Variants in OSMR observed in about 807,000 individuals in gnomAD.
OSMR encodes oncostatin M receptor.
OSMR carries 81 observed loss-of-function variants against 99.9 expected under a neutral mutation model. That is an observed-to-expected ratio of 0.81 (90% CI 0.68 to 0.97). OSMR has a LOEUF of 0.97. Among genes scored for constraint, OSMR ranks in the 50% least tolerant of loss-of-function variants. The probability of loss-of-function intolerance (pLI) is 0.00; values close to 1 mark genes in which losing one functional copy is unlikely to be tolerated. For missense variants in OSMR, 1,099 were observed against 1,153.4 expected (o/e 0.95, Z 0.68); for synonymous variants, 406 against 410.4 (o/e 0.99, Z 0.13).
At chr5:38,916,559 C>T (rs1204126794) in intron 9 of OSMR, among the ~76,000 whole-genome samples, 1 of 152,018 alleles carries the variant, frequency 6.6e-6, no homozygotes, top group African/African-American at 2.4e-5. Context: ...TCTAGTAACC[C>T]CTCTATAAAT....
At chr5:38,870,056 C>G (rs1742262150) in intron 2 of OSMR, among the ~76,000 whole-genome samples, 1 of 151,916 alleles carries the variant, frequency 6.6e-6, no homozygotes, top group Admixed American at 6.6e-5. Flanking sequence ...AAACATTGTT[C>G]TGATAATTGC....
chr5:38,919,278 C>T (rs1746110164), intron 11 of OSMR: 3 of 1,503,236 alleles, frequency 2.0e-6, no homozygotes, highest in South Asian at 1.2e-5. Flanking sequence ...TGGCTCAGGA[C>T]ATTTCTGTCC....
intron 3 of OSMR, among the ~76,000 whole-genome samples, chr5:38,879,499 G>T (rs572713454): frequency 1.3e-5 from 2 of 152,284 alleles, no homozygotes; most frequent in African/African-American, 4.8e-5. Flanking sequence ...AGAAGTGGCT[G>T]CATTTAAGGG....
intron 9 of OSMR, among the ~76,000 whole-genome samples, chr5:38,910,779 C>T (rs557390969): frequency 3.3e-5 from 5 of 152,176 alleles, no homozygotes; most frequent in Admixed American, 2.0e-4. Context: ...GGGAGGCCAA[C>T]GTGGGCAGAT....
chr5:38,876,861 A>G (rs1382629233), intron 3 of OSMR, among the ~76,000 whole-genome samples: 1 of 152,210 alleles, frequency 6.6e-6, no homozygotes, highest in Non-Finnish European at 1.5e-5. Flanking sequence ...ACAAGGAGCC[A>G]TGTTGGAGAG....
At chr5:38,898,779 T>G (rs1425948958) in intron 7 of OSMR, among the ~76,000 whole-genome samples, 1 of 152,032 alleles carries the variant, frequency 6.6e-6, no homozygotes, top group East Asian at 1.9e-4. Flanking sequence ...TTATACATAT[T>G]TTTTTAAAAA....
chr5:38,885,790 GTAAAT>G, intron 6 of OSMR: 3 of 803,866 alleles, frequency 3.7e-6, no homozygotes, highest in Non-Finnish European at 4.5e-6. Context: ...AATATTCCAA[GTAAAT>G]TAAGGGATGT....
intron 6 of OSMR, 184 bp from the exon 7 acceptor site, chr5:38,885,855 G>A (rs1391303729): frequency 3.3e-5 from 32 of 983,554 alleles, no homozygotes; most frequent in Non-Finnish European, 3.6e-5. Context: ...ATTTCAGCAC[G>A]TATGTCAAAT....
At chr5:38,900,352 C>G (rs1052379303) in intron 7 of OSMR, among the ~76,000 whole-genome samples, 1 of 152,204 alleles carries the variant, frequency 6.6e-6, no homozygotes, top group African/African-American at 2.4e-5. Flanking sequence ...TTCAGTGACT[C>G]TTTCAGTGAT....
intron 1 of OSMR, among the ~76,000 whole-genome samples, chr5:38,847,898 G>A (rs537690108): frequency 6.6e-6 from 1 of 152,274 alleles, no homozygotes; most frequent in East Asian, 1.9e-4. Context: ...GCAGGGACCC[G>A]AGCCGCATTG....
At chr5:38,853,620 A>G (rs1171055196) in intron 1 of OSMR, among the ~76,000 whole-genome samples, 1 of 152,182 alleles carries the variant, frequency 6.6e-6, no homozygotes, top group Admixed American at 6.5e-5. Flanking sequence ...GCATATGTAC[A>G]TATTTTTTGG....
At chr5:38,857,242 G>A (rs899631685) in intron 1 of OSMR, among the ~76,000 whole-genome samples, 1 of 152,164 alleles carries the variant, frequency 6.6e-6, no homozygotes, top group African/African-American at 2.4e-5. Flanking sequence ...ATCATTCTCT[G>A]AATCATCTGC....
intron 7 of OSMR, 181 bp downstream of exon 7, chr5:38,886,371 G>A: frequency 7.1e-7 from 1 of 1,413,708 alleles, no homozygotes; most frequent in Non-Finnish European, 9.2e-7. Flanking sequence ...CCTATTATTT[G>A]TTTCTTTTAA....
At chr5:38,901,916 C>A (rs1455262692) in intron 7 of OSMR, among the ~76,000 whole-genome samples, 4 of 152,162 alleles carry the variant, frequency 2.6e-5, no homozygotes, top group African/African-American at 9.7e-5. Flanking sequence ...GGCCTACCAG[C>A]TGCTGGGCCT....
intron 1 of OSMR, among the ~76,000 whole-genome samples, chr5:38,852,887 C>A (rs531196284): frequency 6.6e-6 from 1 of 151,656 alleles, no homozygotes; most frequent in African/African-American, 2.4e-5. Context: ...CCCACCACCA[C>A]GCCCGGCTAA....
At chr5:38,907,307 G>T (rs1260253551) in intron 9 of OSMR, among the ~76,000 whole-genome samples, 1 of 152,172 alleles carries the variant, frequency 6.6e-6, no homozygotes, top group Non-Finnish European at 1.5e-5. Flanking sequence ...TGGAATCCAG[G>T]CAGCAGGAAA....
At chr5:38,921,867 A>G (rs1746252614) in intron 12 of OSMR, 73 bp downstream of exon 12, 2 of 1,276,890 alleles carry the variant, frequency 1.6e-6, no homozygotes, top group Admixed American at 1.7e-5. Flanking sequence ...TTTCTGGACT[A>G]CTTCACAGAC....
rs754064150 is a variant in OSMR, at chr5:38,883,810, A to AT, written c.419-8dup. ...TTTTGAGTGCGATTCTAACTTGGCT[A>AT]TTTTTTTTTCTTGCAGTACAAGATT... On this transcript the variant is annotated splice_polypyrimidine_tract_variant and intron_variant, in intron 4 of 17. Coordinates refer to ENST00000274276, the MANE Select transcript of OSMR (RefSeq NM_003999.3). 7.9e-5 allele frequency: 125 copies of AT among 1,589,552 alleles called. No individual in the cohort carries two copies. Among genetic ancestry groups the AT allele is most frequent in the Middle Eastern group, 2.2e-4 (1 of 4,508 alleles).
intron 9 of OSMR, among the ~76,000 whole-genome samples, chr5:38,914,841 G>A (rs192098916): frequency 2.6e-5 from 4 of 152,260 alleles, no homozygotes; most frequent in African/African-American, 4.8e-5. Flanking sequence ...AGAAGGGGAA[G>A]GAAGGGAGGG....
Sources: allele counts gnomAD v4.1 joint callset (sites outside exome capture counted in the v4.1 genomes callset), GRCh38; gene constraint gnomAD v4.1.1; transcripts MANE v1.5; gene names NCBI Gene and HGNC (gene_info 2026-07-23, HGNC 2026-07-21).